DPP6: variants seen among roughly 807,000 people sequenced by gnomAD.
DPP6 encodes the protein A-type potassium channel modulatory protein DPP6.
In DPP6, 69 loss-of-function variants were observed where a neutral mutation model predicts 122.6. That is an observed-to-expected ratio of 0.56 (90% CI 0.46 to 0.69). The LOEUF is 0.69. Among genes scored for constraint, DPP6 ranks in the 30% least tolerant of loss-of-function variants. The pLI is 0.00. For missense variants in DPP6, 928 were observed against 1,116.9 expected, an observed-to-expected ratio of 0.83 and a Z score of 2.41; for synonymous variants, 418 against 433.1, an observed-to-expected ratio of 0.97 and a Z score of 0.43.
intron 8 of DPP6, among the ~76,000 whole-genome samples, chr7:154,729,373 A>G (rs184159916): frequency 4.6e-5 from 7 of 152,244 alleles, no homozygotes; most frequent in African/African-American, 1.4e-4. Flanking sequence ...TGCATCATAA[A>G]TTATAAAGCA....
intron 1 of DPP6, among the ~76,000 whole-genome samples, chr7:154,245,373 G>A (rs1801906574): frequency 6.6e-6 from 1 of 151,628 alleles, no homozygotes. Context: ...GGTGGCTCAG[G>A]TCTGCAATCC....
chr7:153,880,033 G>A, the DPP6 span, among the ~76,000 whole-genome samples: 6 of 151,958 alleles, frequency 3.9e-5, no homozygotes, highest in Non-Finnish European at 7.4e-5. Context: ...CAACAATTGT[G>A]CCATCTTATA....
chr7:153,829,216 T>C, the DPP6 span, among the ~76,000 whole-genome samples: 1 of 152,156 alleles, frequency 6.6e-6, no homozygotes, highest in Non-Finnish European at 1.5e-5. Flanking sequence ...TTGCTTGTCC[T>C]CCTCCCTTTT....
intron 1 of DPP6, among the ~76,000 whole-genome samples, chr7:153,937,996 C>T (rs1801534751): frequency 6.6e-6 from 1 of 152,298 alleles, no homozygotes; most frequent in African/African-American, 2.4e-5. Context: ...GCTACGAGGG[C>T]TGTCCTAGTT....
At chr7:153,938,529 G>A (rs948511899) in intron 1 of DPP6, among the ~76,000 whole-genome samples, 2 of 152,228 alleles carry the variant, frequency 1.3e-5, no homozygotes, top group African/African-American at 4.8e-5. Context: ...ATGCTAGAAA[G>A]AGCCTAATGG....
intron 5 of DPP6, among the ~76,000 whole-genome samples, chr7:154,583,662 A>C (rs933714966): frequency 6.6e-6 from 1 of 152,186 alleles, no homozygotes; most frequent in South Asian, 2.1e-4. Flanking sequence ...CTGATCAGTC[A>C]GAAGCCTCGC....
At chr7:154,389,534 C>A (rs1814430994) in intron 1 of DPP6, among the ~76,000 whole-genome samples, 1 of 151,880 alleles carries the variant, frequency 6.6e-6, no homozygotes, top group Non-Finnish European at 1.5e-5. Context: ...GGCTTTGCAT[C>A]TGAGAACTGA....
At chr7:154,199,798 G>A (rs1799072923) in intron 1 of DPP6, among the ~76,000 whole-genome samples, 1 of 151,938 alleles carries the variant, frequency 6.6e-6, no homozygotes, top group Non-Finnish European at 1.5e-5. Context: ...AGTAGAGACA[G>A]GTTTTCGCCA....
chr7:153,840,236 T>C, the DPP6 span, among the ~76,000 whole-genome samples: 2 of 152,234 alleles, frequency 1.3e-5, no homozygotes, highest in East Asian at 3.9e-4. Context: ...ACTAATTGCA[T>C]TAAAATATCA....
chr7:153,895,201 C>T (rs1037191783), intron 1 of DPP6, among the ~76,000 whole-genome samples: 18 of 152,066 alleles, frequency 1.2e-4, no homozygotes, highest in African/African-American at 4.1e-4. Flanking sequence ...GAGGTCCCCC[C>T]GAAAAGTTAT....
At chr7:154,588,267 G>A in intron 5 of DPP6, 1 of 1,079,778 alleles carries the variant, frequency 9.3e-7, no homozygotes, top group Non-Finnish European at 1.3e-6. Context: ...TGTTCTCAGA[G>A]ATGCAGCAAT....
At chr7:154,298,268 C>CCACACACACACACACACACA (rs773227930) in intron 1 of DPP6, among the ~76,000 whole-genome samples, 20,636 of 149,988 alleles carry the variant, frequency 0.14, 1,546 homozygotes, top group Admixed American at 0.18. Context: ...CTCTCTCTCT[C>CCACACACACACACACACACA]CACACACACA....
chr7:154,284,529 A>T (rs539197634), intron 1 of DPP6, among the ~76,000 whole-genome samples: 6 of 152,348 alleles, frequency 3.9e-5, no homozygotes, highest in Non-Finnish European at 5.9e-5. Context: ...TGAAGTTCTG[A>T]TACATGTTAC....
intron 1 of DPP6, among the ~76,000 whole-genome samples, chr7:154,443,146 C>T (rs1819527912): frequency 2.0e-5 from 3 of 152,164 alleles, no homozygotes; most frequent in African/African-American, 4.8e-5. Flanking sequence ...ACAGGCCAGG[C>T]ACCTGCCACT....
intron 1 of DPP6, among the ~76,000 whole-genome samples, chr7:154,335,608 A>G (rs1392413153): frequency 6.6e-6 from 1 of 152,170 alleles, no homozygotes; most frequent in East Asian, 1.9e-4. Context: ...CAAGAAGCCA[A>G]TAATTTAGAG....
At chr7:154,168,211 C>T (rs749468288) in intron 1 of DPP6, among the ~76,000 whole-genome samples, 2 of 152,134 alleles carry the variant, frequency 1.3e-5, no homozygotes, top group Non-Finnish European at 2.9e-5. Flanking sequence ...CTTAGAAGCC[C>T]AGACAGACGA....
At chr7:154,392,393 T>C (rs1369971433) in intron 1 of DPP6, among the ~76,000 whole-genome samples, 2 of 152,232 alleles carry the variant, frequency 1.3e-5, no homozygotes, top group Admixed American at 6.5e-5. Context: ...CTTTTTCTTT[T>C]CTTTTTAAAC....
At chr7:154,738,622 C>T (rs1842679536) in intron 8 of DPP6, among the ~76,000 whole-genome samples, 1 of 152,194 alleles carries the variant, frequency 6.6e-6, no homozygotes, top group Non-Finnish European at 1.5e-5. Context: ...GAAGAAGGAA[C>T]AATATTCTGC....
chr7:154,683,745 A>G (rs1185469900), intron 7 of DPP6, among the ~76,000 whole-genome samples: 2 of 152,064 alleles, frequency 1.3e-5, no homozygotes, highest in East Asian at 3.9e-4. Context: ...CTCTCCTGCC[A>G]CCCAGTACTC....
Sources: allele counts gnomAD v4.1 joint callset (sites outside exome capture counted in the v4.1 genomes callset), GRCh38; gene constraint gnomAD v4.1.1; transcripts MANE v1.5; gene names NCBI Gene and HGNC (gene_info 2026-07-23, HGNC 2026-07-21).